SGTB: variants seen among roughly 807,000 people sequenced by gnomAD.
SGTB encodes small glutamine rich tetratricopeptide repeat co-chaperone beta.
Under a neutral mutation model 43.9 loss-of-function variants are expected in SGTB, and 19 were observed. The ratio of observed to expected loss-of-function variants is 0.43; its 90% CI spans 0.30 to 0.63. The LOEUF (loss-of-function observed/expected upper bound fraction) is 0.63. SGTB is among the 30% of genes least tolerant of loss of function. The probability of loss-of-function intolerance (pLI) is 0.12; values close to 1 mark genes in which losing one functional copy is unlikely to be tolerated. For missense variants in SGTB, 304 were observed against 358.9 expected (o/e 0.85, Z 1.24); for synonymous variants, 116 against 117.3 (o/e 0.99, Z 0.07).
At chr5:65,704,049 A>ATAAATAAAT in intron 5 of SGTB, among the ~76,000 whole-genome samples, 1 of 139,694 alleles carries the variant, frequency 7.2e-6, no homozygotes, top group African/African-American at 2.7e-5. Flanking sequence ...AAAAAAAAAA[A>ATAAATAAAT]AAATAAATAA....
intron 5 of SGTB, among the ~76,000 whole-genome samples, chr5:65,696,960 G>C (rs566492800): frequency 6.6e-6 from 1 of 152,290 alleles, no homozygotes; most frequent in African/African-American, 2.4e-5. Flanking sequence ...GTTCATCCTA[G>C]TGAGTTGAGT....
chr5:65,695,890 T>C, intron 5 of SGTB, among the ~76,000 whole-genome samples: 1 of 152,160 alleles, frequency 6.6e-6, no homozygotes, highest in Non-Finnish European at 1.5e-5. Context: ...ATTTTACAAG[T>C]GAGGAAACTG....
chr5:65,691,791 C>T (rs1757614992), intron 5 of SGTB, among the ~76,000 whole-genome samples: 1 of 151,326 alleles, frequency 6.6e-6, no homozygotes, highest in Non-Finnish European at 1.5e-5. Flanking sequence ...ATTAGCCGGG[C>T]GTGGTGGCGG....
In SGTB at chr5:65,666,149, AT is replaced by A. The variant is rs1757031820; in HGVS notation, c.*4096del. ...TATAGCCACTGCATTGGATACTTGG[AT>A]TGTTTTTCAAGCATCTTCTTATGAC... is the stretch of plus-strand genomic sequence containing the variant. On this transcript the variant is annotated 3_prime_UTR_variant, in exon 11 of 11. Coordinates refer to ENST00000381007, the MANE Select transcript of SGTB (RefSeq NM_019072.3). 6.6e-6 allele frequency: 1 copy of A among 152,582 alleles called. No homozygotes were observed. Among genetic ancestry groups the A allele is most frequent in the Non-Finnish European group, 1.5e-5 (1 of 67,996 alleles). The allele number at this position is 152,582 out of a possible 1,614,324, so 9.5% of individuals were successfully genotyped here. A position where few individuals can be genotyped will look rare whatever the true frequency, so the allele number is the denominator to read the frequency against.
In SGTB at chr5:65,685,380, T is replaced by A. The variant is rs1408797214; in HGVS notation, c.467A>T (p.Tyr156Phe). The change falls in exon 6 of 11, where the codon TAT (tyrosine) becomes TTT (phenylalanine). Residue 156 changes from tyrosine to phenylalanine, a missense_variant. Transcript: ENST00000381007. Reference sequence around the variant, plus strand: ...TCCCAGAACTTACCCCATTCTCCCATAGGCCTTGCTGTACTTTGAATCAAT... The same window carrying A: ...TCCCAGAACTTACCCCATTCTCCCAAAGGCCTTGCTGTACTTTGAATCAAT... ...IAIDSKYSKAYGRMGLALTAL... is the reference protein window; with the variant it reads ...IAIDSKYSKAFGRMGLALTAL... 1 of 1,614,020 alleles carries A rather than the reference T, an allele frequency of 6.2e-7. No individual in the cohort carries two copies. The highest frequency in any genetic ancestry group is 1.3e-5 in the African/African-American group (1 of 74,956).
intron 2 of SGTB, among the ~76,000 whole-genome samples, chr5:65,720,081 CTTTTTTTT>C (rs11312137): frequency 0.013 from 1,652 of 124,976 alleles, 22 homozygotes; most frequent in South Asian, 0.05. Flanking sequence ...TTTTCTTTTT[CTTTTTTTT>C]TTTTTTTTTT....
At chr5:65,699,408 G>A (rs529499894) in intron 5 of SGTB, among the ~76,000 whole-genome samples, 5 of 152,308 alleles carry the variant, frequency 3.3e-5, no homozygotes, top group South Asian at 4.1e-4. Context: ...AGGGAGATGA[G>A]AGATAAAAAA....
rs35403984 is a variant in SGTB, at chr5:65,668,721, CAG to C, written c.*1523_*1524del. 35,999 of 142,082 alleles carry C rather than the reference CAG, an allele frequency of 0.25. 4,710 individuals are homozygous for C. Among genetic ancestry groups the C allele is most frequent in the Non-Finnish European group, 0.3 (19,702 of 66,370 alleles). The allele number at this position is 142,082 out of a possible 1,614,324, so 8.8% of individuals were successfully genotyped here. ...GCGCCACTGCACTCCAGCCTGGCGACAGAGAGAGACTCCATCTCAAGAAAAAA... is the reference window on the plus strand; with the variant it reads ...GCGCCACTGCACTCCAGCCTGGCGACAGAGAGACTCCATCTCAAGAAAAAA... On this transcript the variant is annotated 3_prime_UTR_variant, in exon 11 of 11. Transcript: ENST00000381007.
chr5:65,670,423 A>G (rs1757133241), intron 10 of SGTB, 66 bp from the exon 11 acceptor site: 4 of 1,341,716 alleles, frequency 3.0e-6, no homozygotes, highest in Non-Finnish European at 1.1e-6. Context: ...CGCAAAAAGA[A>G]ATGCAGAAAA....
intron 2 of SGTB, among the ~76,000 whole-genome samples, chr5:65,718,765 C>A (rs951571172): frequency 2.0e-5 from 3 of 152,056 alleles, no homozygotes; most frequent in African/African-American, 7.2e-5. Context: ...ACAATTGGCA[C>A]CCTTTCTGAC....
intron 8 of SGTB, among the ~76,000 whole-genome samples, chr5:65,675,448 T>C (rs569148062): frequency 7.9e-5 from 12 of 152,310 alleles, no homozygotes; most frequent in African/African-American, 2.9e-4. Flanking sequence ...AAAAATATGA[T>C]GCTCTCCCTG....
rs1204009639 is a variant in SGTB, at chr5:65,717,650, G to A, written c.100+3058C>T. On this transcript the variant is annotated intron_variant, in intron 2 of 10. Transcript: ENST00000381007. ...AGGTAACCAACTAAAAGTGAGGACA[G>A]TGAAGGAGGTTTGAGGGTTTGAGAA... Among the ~76,000 whole-genome samples the A allele has an allele frequency of 2.0e-5, 3 of 152,236 alleles. No homozygotes were observed. The South Asian group carries it at 6.2e-4, about 32-fold the overall frequency.
chr5:65,682,519 C>G (rs539324539), intron 6 of SGTB, among the ~76,000 whole-genome samples: 3 of 151,866 alleles, frequency 2.0e-5, no homozygotes, highest in Non-Finnish European at 4.4e-5. Flanking sequence ...TGTAAGATAG[C>G]GATCAACACT....
intron 8 of SGTB, among the ~76,000 whole-genome samples, chr5:65,676,640 A>G (rs371556430): frequency 9.9e-5 from 15 of 152,258 alleles, no homozygotes; most frequent in African/African-American, 3.4e-4. Flanking sequence ...TCTTCTCATC[A>G]CCACATGGCA....
chr5:65,689,090 G>C (rs148457587), intron 5 of SGTB, among the ~76,000 whole-genome samples: 3,443 of 152,272 alleles, frequency 0.023, 127 homozygotes, highest in African/African-American at 0.077. Flanking sequence ...GATTACAGGC[G>C]TGAGCCACCA....
chr5:65,722,675 T>G (rs1579896842), upstream of SGTB: 1 of 502,028 alleles, frequency 2.0e-6, no homozygotes, highest in Non-Finnish European at 3.5e-6. Flanking sequence ...GCGAGGCTGG[T>G]CACAGACGCG....
rs1413952171 is a variant in SGTB at position 65,722,011 on chromosome 5, G to A, written c.-117C>T. ...GTCCTCGGGGCTGGAGCCCGGCTCG[G>A]GATCGCAGCACTGGTCGCGGCGGCG... On this transcript the variant is annotated 5_prime_UTR_variant, in exon 1 of 11. Coordinates refer to ENST00000381007, the MANE Select transcript of SGTB (RefSeq NM_019072.3). The A allele has an allele frequency of 6.5e-6, 1 of 153,730 alleles. No individual in the cohort carries two copies. The highest frequency in any genetic ancestry group is 2.4e-5 in the African/African-American group (1 of 41,492). The allele number at this position is 153,730 out of a possible 1,614,324, so 9.5% of individuals were successfully genotyped here.
chr5:65,672,343 A>ATT lies in SGTB; in HGVS notation c.682-64_682-63dup, dbSNP rs5868414. On this transcript the variant is annotated intron_variant, in intron 8 of 10. Coordinates refer to ENST00000381007, the MANE Select transcript of SGTB (RefSeq NM_019072.3). ...TTAATATGTAGGGATCTTAGCAAAG[A>ATT]TTTTTTTTTTAGAAGAATGAAAGCT... 4.5e-6 allele frequency: 7 copies of ATT among 1,540,730 alleles called. No individual in the cohort carries two copies. The Admixed American group carries it at 7.2e-5, about 16-fold the overall frequency.
upstream of SGTB, among the ~76,000 whole-genome samples, chr5:65,722,591 G>T (rs1002329884): frequency 3.9e-5 from 6 of 152,240 alleles, no homozygotes; most frequent in Non-Finnish European, 7.3e-5. Flanking sequence ...GCCACCTGGG[G>T]CCACCTTTCC....
Sources: gnomAD v4.1 joint callset for allele counts (sites outside exome capture counted in the v4.1 genomes callset) on GRCh38, gnomAD v4.1.1 for gene constraint, MANE v1.5 for transcripts, NCBI Gene and HGNC (gene_info 2026-07-23, HGNC 2026-07-21) for gene names.